Variants in ANKH observed in about 807,000 individuals in gnomAD.
ANKH encodes ANKH inorganic pyrophosphate transport regulator.
In ANKH, 15 loss-of-function variants were observed where a neutral mutation model predicts 49.0. The ratio of observed to expected loss-of-function variants is 0.31; its 90% CI spans 0.20 to 0.47. The LOEUF (loss-of-function observed/expected upper bound fraction) is 0.47, where lower values mean the gene tolerates loss of function less well. Ranked by LOEUF, ANKH falls within the 20% of genes least tolerant of loss-of-function variation. The pLI is 1.00. For missense variants in ANKH, 429 were observed against 652.0 expected (o/e 0.66, Z 3.72); for synonymous variants, 273 against 260.0 (o/e 1.05, Z -0.48).
At chr5:14,763,955 G>A (rs894835671) in intron 2 of ANKH, among the ~76,000 whole-genome samples, 14 of 152,134 alleles carry the variant, frequency 9.2e-5, no homozygotes, top group African/African-American at 3.4e-4. Context: ...TGGGTGAGGT[G>A]GCAGGTGCCT....
chr5:14,853,827 A>G (rs1246150293), intron 1 of ANKH, among the ~76,000 whole-genome samples: 1 of 152,154 alleles, frequency 6.6e-6, no homozygotes, highest in African/African-American at 2.4e-5. Flanking sequence ...AAACCCATAC[A>G]AGGAAGCCCT....
intron 11 of ANKH, among the ~76,000 whole-genome samples, 161 bp from the exon 12 acceptor site, chr5:14,711,471 G>C (rs1737201838): frequency 6.6e-6 from 1 of 152,216 alleles, no homozygotes; most frequent in Non-Finnish European, 1.5e-5. Context: ...TCTTAGCTCA[G>C]TGTGTTCCTT....
chr5:14,870,248 A>C (rs577243057), intron 1 of ANKH: 1 of 152,338 alleles, frequency 6.6e-6, no homozygotes, highest in East Asian at 1.9e-4. Context: ...GAGAGCTTAC[A>C]GAGTTGCAAT....
intron 1 of ANKH, among the ~76,000 whole-genome samples, chr5:14,779,857 A>G (rs1325296696): frequency 2.6e-5 from 4 of 152,218 alleles, no homozygotes; most frequent in African/African-American, 9.7e-5. Flanking sequence ...CTGTAGACAC[A>G]CGGACATGAA....
At chr5:14,718,619 T>A (rs1377178385) in intron 8 of ANKH, among the ~76,000 whole-genome samples, 2 of 152,140 alleles carry the variant, frequency 1.3e-5, no homozygotes, top group Non-Finnish European at 2.9e-5. Flanking sequence ...GAGACCAGCC[T>A]GGCCAACATG....
intron 1 of ANKH, among the ~76,000 whole-genome samples, chr5:14,846,999 C>A (rs1741980291): frequency 8.0e-6 from 1 of 124,316 alleles, no homozygotes; most frequent in African/African-American, 3.0e-5. Context: ...CAGTGTAAGA[C>A]TGCCTCAAAA....
intron 1 of ANKH, among the ~76,000 whole-genome samples, chr5:14,854,662 G>A (rs1742207107): frequency 6.6e-6 from 1 of 152,220 alleles, no homozygotes; most frequent in Non-Finnish European, 1.5e-5. Context: ...TCCAGCCTGA[G>A]TGACACAGTA....
chr5:14,857,296 T>C (rs763551928), intron 1 of ANKH, among the ~76,000 whole-genome samples: 3 of 152,170 alleles, frequency 2.0e-5, no homozygotes, highest in Non-Finnish European at 4.4e-5. Flanking sequence ...ACATGCAGTA[T>C]ATATTTGGTC....
chr5:14,839,180 G>A (rs1287838923), intron 1 of ANKH, among the ~76,000 whole-genome samples: 2 of 152,040 alleles, frequency 1.3e-5, no homozygotes, highest in Admixed American at 1.3e-4. Flanking sequence ...TGCAGCCATA[G>A]CGACCACAGC....
At chr5:14,838,544 T>C (rs1172524194) in intron 1 of ANKH, among the ~76,000 whole-genome samples, 5 of 152,164 alleles carry the variant, frequency 3.3e-5, no homozygotes, top group Non-Finnish European at 5.9e-5. Flanking sequence ...AGTGTGGGCC[T>C]GAAGCGGCAA....
chr5:14,793,039 T>A (rs1387134786), intron 1 of ANKH, among the ~76,000 whole-genome samples: 1,356 of 52,552 alleles, frequency 0.026, 18 homozygotes, highest in Non-Finnish European at 0.038. Context: ...TATATAAAAA[T>A]ATATATATAA....
intron 1 of ANKH, among the ~76,000 whole-genome samples, chr5:14,792,168 C>G (rs925617022): frequency 1.3e-5 from 2 of 152,022 alleles, no homozygotes; most frequent in Non-Finnish European, 2.9e-5. Flanking sequence ...CTCAAGGAAG[C>G]GTGCATGGAG....
rs1397196002 is a variant in ANKH, at chr5:14,741,873, G to C, written c.965C>G (p.Ala322Gly). 1 of 1,614,168 alleles carries C rather than the reference G, an allele frequency of 6.2e-7. No homozygotes were observed. The highest frequency in any genetic ancestry group is 2.2e-5 in the East Asian group (1 of 44,878). ...LVSTSNTVTA[A>G]HIKKFTFVCM... ...GACGAAGGTGAACTTCTTGATGTGG[G>C]CTGCCGTGACTGTGTTGCTCGTGCT... Residue 322 changes from alanine to glycine, a missense_variant, in exon 8 of 12, where the codon GCC (alanine) becomes GGC (glycine). Coordinates refer to ENST00000284268, the MANE Select transcript of ANKH (RefSeq NM_054027.6).
At chr5:14,716,942 C>G (rs977054371) in intron 8 of ANKH, 107 bp from the exon 9 acceptor site, 4 of 1,432,238 alleles carry the variant, frequency 2.8e-6, no homozygotes, top group Non-Finnish European at 3.8e-6. Context: ...GAGGGACAAC[C>G]GGCCTGACTG....
intron 1 of ANKH, among the ~76,000 whole-genome samples, chr5:14,839,460 C>T (rs768678254): frequency 2.6e-5 from 4 of 151,326 alleles, no homozygotes. Flanking sequence ...ATATATTCTG[C>T]CAAGCTGAGG....
chr5:14,787,226 A>G (rs1394844434), intron 1 of ANKH, among the ~76,000 whole-genome samples: 1 of 152,122 alleles, frequency 6.6e-6, no homozygotes, highest in African/African-American at 2.4e-5. Flanking sequence ...AGGCAGGAGA[A>G]TTGCTTGAAC....
chr5:14,762,543 A>G (rs972156014), intron 2 of ANKH, among the ~76,000 whole-genome samples: 2 of 152,202 alleles, frequency 1.3e-5, no homozygotes, highest in Non-Finnish European at 2.9e-5. Flanking sequence ...CAAGGGAAGA[A>G]GCTTTTCCTC....
At chr5:14,823,655 G>A (rs543498107) in intron 1 of ANKH, among the ~76,000 whole-genome samples, 4 of 152,302 alleles carry the variant, frequency 2.6e-5, no homozygotes, top group South Asian at 2.1e-4. Flanking sequence ...GGCAGGGCGC[G>A]GTTGCTGATG....
intron 1 of ANKH, among the ~76,000 whole-genome samples, chr5:14,866,892 C>A (rs1735660653): frequency 6.6e-6 from 1 of 152,112 alleles, no homozygotes; most frequent in African/African-American, 2.4e-5. Flanking sequence ...AATATACAGG[C>A]CAGATGTGGT....
Sources: allele counts gnomAD v4.1 joint callset (sites outside exome capture counted in the v4.1 genomes callset), GRCh38; gene constraint gnomAD v4.1.1; transcripts MANE v1.5; gene names NCBI Gene and HGNC (gene_info 2026-07-23, HGNC 2026-07-21).